Variants in ARVCF observed in about 807,000 individuals in gnomAD.
ARVCF encodes the protein splicing regulator ARVCF.
A neutral mutation model predicts 90.9 loss-of-function variants in ARVCF; 66 were observed. The observed-to-expected ratio is 0.73, with a 90% CI of 0.60 to 0.89. ARVCF has a LOEUF of 0.89. Ranked by LOEUF, ARVCF falls within the 40% of genes least tolerant of loss-of-function variation. The pLI is 0.00. For synonymous variants in ARVCF, 653 were observed against 603.4 expected, an observed-to-expected ratio of 1.08 and a Z score of -1.21; for missense variants, 1,469 against 1,382.3, an observed-to-expected ratio of 1.06 and a Z score of -1.00.
intron 2 of ARVCF, among the ~76,000 whole-genome samples, chr22:20,003,494 C>G (rs1049519699): frequency 3.9e-5 from 6 of 152,024 alleles, no homozygotes; most frequent in African/African-American, 1.4e-4. Flanking sequence ...ACTAGCAAAC[C>G]AAATTCAGCT....
chr22:19,976,010 G>C (rs1461855656), intron 10 of ARVCF, among the ~76,000 whole-genome samples: 2 of 152,080 alleles, frequency 1.3e-5, no homozygotes, highest in African/African-American at 2.4e-5. Flanking sequence ...CAGGTGCTGG[G>C]AGCTGTACCA....
At chr22:19,980,454 C>A in intron 5 of ARVCF, 1 of 666,798 alleles carries the variant, frequency 1.5e-6, no homozygotes, top group Non-Finnish European at 2.2e-6. Flanking sequence ...AAACCCCAGC[C>A]AGCGGCTACC....
At chr22:19,994,244 G>T (rs1944139249) in intron 2 of ARVCF, among the ~76,000 whole-genome samples, 1 of 150,788 alleles carries the variant, frequency 6.6e-6, no homozygotes, top group Admixed American at 6.6e-5. Flanking sequence ...GGGATGGTGG[G>T]GAATGGACAG....
chr22:19,999,850 T>C (rs1453211756), intron 2 of ARVCF, among the ~76,000 whole-genome samples: 1 of 152,090 alleles, frequency 6.6e-6, no homozygotes, highest in Non-Finnish European at 1.5e-5. Context: ...CTTCAGCCTG[T>C]GAAGCCGAGA....
intron 1 of ARVCF, among the ~76,000 whole-genome samples, chr22:20,012,606 G>A (rs1731010401): frequency 6.6e-6 from 1 of 152,226 alleles, no homozygotes; most frequent in South Asian, 2.1e-4. Context: ...CCCTTTATTG[G>A]GCCCTTTTCC....
intron 5 of ARVCF, 101 bp downstream of exon 5, chr22:19,981,093 AAACTAACATGCATGACT>A (rs1943466043): frequency 2.3e-6 from 3 of 1,332,098 alleles, no homozygotes; most frequent in Non-Finnish European, 2.0e-6. Context: ...AGGCCAATTC[AAACTAACATGCATGACT>A]AACTCAACTG....
intron 2 of ARVCF, among the ~76,000 whole-genome samples, chr22:20,005,845 A>G (rs560944008): frequency 6.6e-6 from 1 of 152,278 alleles, no homozygotes; most frequent in African/African-American, 2.4e-5. Flanking sequence ...AGATATGTGC[A>G]CAATCATATT....
intron 3 of ARVCF, among the ~76,000 whole-genome samples, chr22:19,989,583 T>G (rs1360247676): frequency 6.6e-6 from 1 of 152,004 alleles, no homozygotes; most frequent in African/African-American, 2.4e-5. Context: ...GCTCCTGGCA[T>G]GTGTGTGCCA....
intron 8 of ARVCF, 97 bp from the exon 9 acceptor site, chr22:19,977,683 G>A (rs887287656): frequency 1.4e-6 from 2 of 1,440,536 alleles, no homozygotes; most frequent in Non-Finnish European, 1.8e-6. Context: ...AGGGCACCGG[G>A]AGCAAAGGAA....
chr22:19,987,206 G>A, intron 3 of ARVCF: 1 of 390,364 alleles, frequency 2.6e-6, no homozygotes, highest in Non-Finnish European at 4.5e-6. Flanking sequence ...CGCTCCCCGC[G>A]GGGGCGGATC....
intron 1 of ARVCF, among the ~76,000 whole-genome samples, chr22:20,012,079 T>TGCCC: frequency 8.5e-6 from 1 of 117,156 alleles, no homozygotes; most frequent in Admixed American, 8.9e-5. Flanking sequence ...CCTCCCAAAG[T>TGCCC]CCCCCCCCCC....
chr22:19,979,097 G>T lies in ARVCF; in HGVS notation c.1397-17C>A. ...ACAGGGTGCCTGTGGGGTGCGATTG[G>T]CCAATCTGTGCTGACCATATGCACC... On this transcript the variant is annotated splice_polypyrimidine_tract_variant and intron_variant, in intron 6 of 19. Transcript: ENST00000263207. The T allele has an allele frequency of 1.2e-6, 2 of 1,607,168 alleles. No homozygotes were observed. The highest frequency in any genetic ancestry group is 1.7e-6 in the Non-Finnish European group (2 of 1,175,550).
At chr22:19,989,527 C>T (rs1335777345) in intron 3 of ARVCF, among the ~76,000 whole-genome samples, 3 of 152,092 alleles carry the variant, frequency 2.0e-5, no homozygotes, top group African/African-American at 7.2e-5. Flanking sequence ...CAGAGACCAG[C>T]GTTTGCTCCC....
At chr22:19,981,141 A>C (rs1353313283) in intron 5 of ARVCF, 70 bp downstream of exon 5, 3 of 1,448,542 alleles carry the variant, frequency 2.1e-6, no homozygotes, top group Non-Finnish European at 2.7e-6. Context: ...CAAGTGGGGC[A>C]CTCTGTAGTT....
At chr22:20,005,421 T>C (rs1484162592) in intron 2 of ARVCF, among the ~76,000 whole-genome samples, 2 of 151,840 alleles carry the variant, frequency 1.3e-5, no homozygotes. Flanking sequence ...TTAAGACCCT[T>C]GTGCACTGCT....
chr22:19,975,846 G>A (rs910578204), intron 10 of ARVCF, 89 bp from the exon 11 acceptor site: 29 of 1,346,432 alleles, frequency 2.2e-5, no homozygotes, highest in Admixed American at 1.8e-4. Context: ...CTCCTACCCA[G>A]GCCCCAAAAG....
downstream of ARVCF, among the ~76,000 whole-genome samples, chr22:19,966,131 A>G (rs1942376135): frequency 6.6e-6 from 1 of 152,220 alleles, no homozygotes; most frequent in Non-Finnish European, 1.5e-5. Flanking sequence ...AATTATCTCA[A>G]AAGAAGCAAA....
At position 19,973,060 on chromosome 22, in the gene ARVCF, G is replaced by T. The variant is rs200513248; in HGVS notation, c.2439-24C>A. The T allele has an allele frequency of 4.1e-4, 656 of 1,610,716 alleles. No homozygotes were observed. In the African/African-American group the frequency reaches 5.0e-3, roughly 12 times the overall value. On this transcript the variant is annotated intron_variant, in intron 14 of 19. Transcript: ENST00000263207. ...GGCTGTGGGGCCGGGGGCGGGGTCA[G>T]TGGTGGCCCCTCCCCCACCTCCGCG...
intron 2 of ARVCF, among the ~76,000 whole-genome samples, chr22:20,008,753 A>G (rs867880170): frequency 1.3e-5 from 2 of 152,226 alleles, no homozygotes; most frequent in South Asian, 4.1e-4. Context: ...AGATGGCACA[A>G]ATGCCATCAC....
Sources: allele counts gnomAD v4.1 joint callset (sites outside exome capture counted in the v4.1 genomes callset), GRCh38; gene constraint gnomAD v4.1.1; transcripts MANE v1.5; gene names NCBI Gene and HGNC (gene_info 2026-07-23, HGNC 2026-07-21).